The following PLBD1 variants were observed in gnomAD, a reference collection of about 807,000 sequenced individuals.
PLBD1 encodes lysosomal leucine aminopeptidase.
A neutral mutation model predicts 63.0 loss-of-function variants in PLBD1; 60 were observed. The ratio of observed to expected loss-of-function variants is 0.95; its 90% CI spans 0.77 to 1.18. The LOEUF (loss-of-function observed/expected upper bound fraction) is 1.18, where lower values mean the gene tolerates loss of function less well. Among genes scored for constraint, PLBD1 ranks in the 50% most tolerant of loss-of-function variants. PLBD1 has a pLI of 0.00. For synonymous variants in PLBD1, 262 were observed against 248.0 expected, an observed-to-expected ratio of 1.06 and a Z score of -0.53; for missense variants, 598 against 677.9, an observed-to-expected ratio of 0.88 and a Z score of 1.31.
chr12:14,539,167 C>T (rs932240675), intron 4 of PLBD1, among the ~76,000 whole-genome samples: 1 of 152,114 alleles, frequency 6.6e-6, no homozygotes, highest in African/African-American at 2.4e-5. Context: ...TACATCCATA[C>T]ATTGGAACAC....
intron 6 of PLBD1, among the ~76,000 whole-genome samples, chr12:14,535,138 T>C (rs1945502428): frequency 6.6e-6 from 1 of 152,220 alleles, no homozygotes. Flanking sequence ...ATTACTCTTA[T>C]TCATATTACA....
chr12:14,521,469 A>G (rs991849024), intron 6 of PLBD1, among the ~76,000 whole-genome samples: 1 of 152,084 alleles, frequency 6.6e-6, no homozygotes, highest in African/African-American at 2.4e-5. Flanking sequence ...AGCCATGCAT[A>G]TGATTTGACA....
intron 6 of PLBD1, among the ~76,000 whole-genome samples, chr12:14,520,781 G>T (rs10846014): frequency 0.58 from 87,764 of 151,982 alleles, 25,992 homozygotes; most frequent in Admixed American, 0.71. Flanking sequence ...ACGTGAGCAG[G>T]AGAACTCCCA....
intron 6 of PLBD1, among the ~76,000 whole-genome samples, chr12:14,524,808 T>C (rs10846017): frequency 0.31 from 47,066 of 152,094 alleles, 8,285 homozygotes; most frequent in East Asian, 0.57. Flanking sequence ...CAGGAAAATA[T>C]GGTTTTAAGA....
chr12:14,526,307 C>T (rs1328924261), intron 6 of PLBD1, among the ~76,000 whole-genome samples: 4 of 152,132 alleles, frequency 2.6e-5, no homozygotes, highest in African/African-American at 9.7e-5. Flanking sequence ...ACAGACATTC[C>T]GTTTGTGCTA....
Position 14,567,613 on chromosome 12 carries a change from C to T in PLBD1, c.84G>A (p.Leu28=). ...LLLLLLLLPL[L]LVTAEPPKPA... ...GTTTCGGCGGCTCCGCGGTGACTAA[C>T]AACAGCGGCAGCAGCAGCAGCAGCA... The change falls in exon 1 of 11, where the codon TTG becomes TTA. Residue 28 remains leucine (L), a synonymous_variant. Transcript: ENST00000240617. 1 of 1,472,676 alleles carries T rather than the reference C, an allele frequency of 6.8e-7. No homozygotes were observed. Among genetic ancestry groups the T allele is most frequent in the Non-Finnish European group, 8.9e-7 (1 of 1,121,730 alleles). The allele number at this position is 1,472,676 out of a possible 1,614,324, so 91.2% of individuals were successfully genotyped here. A position where few individuals can be genotyped will look rare whatever the true frequency, so the allele number is the denominator to read the frequency against.
At position 14,506,269 on chromosome 12, in the gene PLBD1, C is replaced by T. The variant is rs776899191; in HGVS notation, c.1373-1G>A. 1 of 1,590,874 alleles carries T rather than the reference C, an allele frequency of 6.3e-7. No individual in the cohort carries two copies. Among genetic ancestry groups the T allele is most frequent in the Non-Finnish European group, 8.6e-7 (1 of 1,160,948 alleles). On this transcript the variant is annotated splice_acceptor_variant, in intron 9 of 10. Transcript: ENST00000240617. LOFTEE classifies it high-confidence loss of function. ...CTACTGTAAGGATCCTTCTTATAAT[C>T]TAGGAAACAGAAATGGGGAAGAGAG...
intron 1 of PLBD1, among the ~76,000 whole-genome samples, chr12:14,562,115 T>C (rs1304768963): frequency 6.6e-6 from 1 of 152,178 alleles, no homozygotes; most frequent in African/African-American, 2.4e-5. Flanking sequence ...GAAGTGCTCA[T>C]TCTGTTTTCA....
Position 14,554,682 on chromosome 12 carries a change from C to T in PLBD1, c.116-1270G>A, listed in dbSNP as rs141144173. Among the ~76,000 whole-genome samples, 118 of 152,046 alleles carry T rather than the reference C, an allele frequency of 7.8e-4. 2 individuals are homozygous for T. In the East Asian group the frequency reaches 0.02, roughly 25 times the overall value. ...CTCCAGGATACCAATGCGTCTTCTG[C>T]CTGGGTCACTAACAAAATCCTTGAG... On this transcript the variant is annotated intron_variant, in intron 1 of 10. Transcript: ENST00000240617.
intron 8 of PLBD1, among the ~76,000 whole-genome samples, chr12:14,508,992 C>G (rs1237777025): frequency 6.9e-6 from 1 of 144,486 alleles, no homozygotes; most frequent in Non-Finnish European, 1.5e-5. Context: ...ATGTGCCCAC[C>G]CCCGACCCCG....
intron 6 of PLBD1, among the ~76,000 whole-genome samples, chr12:14,531,754 C>T (rs1945464302): frequency 6.6e-6 from 1 of 152,152 alleles, no homozygotes; most frequent in Non-Finnish European, 1.5e-5. Context: ...CCTCAGCCTC[C>T]CAAATAGCTG....
chr12:14,514,914 G>A (rs2136907873), intron 6 of PLBD1, among the ~76,000 whole-genome samples: 1 of 152,136 alleles, frequency 6.6e-6, no homozygotes, highest in South Asian at 2.1e-4. Flanking sequence ...AGCAGCTTTG[G>A]AAGGCAGATT....
chr12:14,566,740 C>G (rs933479512), intron 1 of PLBD1, among the ~76,000 whole-genome samples: 1 of 150,836 alleles, frequency 6.6e-6, no homozygotes, highest in East Asian at 2.0e-4. Flanking sequence ...TCTGATCAAT[C>G]TCACTTTTCT....
intron 8 of PLBD1, among the ~76,000 whole-genome samples, chr12:14,507,405 C>T (rs1168040680): frequency 6.6e-6 from 1 of 152,214 alleles, no homozygotes; most frequent in Admixed American, 6.5e-5. Context: ...AGCCAAAAAA[C>T]AACCATATTC....
intron 3 of PLBD1, among the ~76,000 whole-genome samples, chr12:14,541,703 T>G (rs1371059666): frequency 2.0e-5 from 3 of 152,214 alleles, no homozygotes; most frequent in Non-Finnish European, 4.4e-5. Flanking sequence ...CAAATTAATC[T>G]CCTGTCATCC....
At chr12:14,541,655 T>G (rs1945572283) in intron 3 of PLBD1, among the ~76,000 whole-genome samples, 3 of 152,192 alleles carry the variant, frequency 2.0e-5, no homozygotes, top group Admixed American at 2.0e-4. Flanking sequence ...TTGCTTAGAG[T>G]GCAGTTTGGA....
At position 14,536,774 on chromosome 12, in the gene PLBD1, CTT is replaced by C. The variant is rs1379814802; in HGVS notation, c.559-66_559-65del. On this transcript the variant is annotated intron_variant, in intron 4 of 10. Coordinates refer to ENST00000240617, the MANE Select transcript of PLBD1 (RefSeq NM_024829.6). ...GACAGACATCATTTCCTGTTTTCCT[CTT>C]GTTAGGGACCCATTAAATTATTCCC... The C allele has an allele frequency of 3.4e-5, 54 of 1,581,042 alleles. No individual in the cohort carries two copies. In the African/African-American group the frequency reaches 6.3e-4, roughly 19 times the overall value.
chr12:14,519,343 G>A (rs563362533), intron 6 of PLBD1, among the ~76,000 whole-genome samples: 3 of 152,200 alleles, frequency 2.0e-5, no homozygotes, highest in East Asian at 3.9e-4. Context: ...GAAGTGAGCC[G>A]GGCGTGGTGG....
At chr12:14,507,200 C>T in intron 8 of PLBD1, 82 bp from the exon 9 acceptor site, 2 of 1,071,356 alleles carry the variant, frequency 1.9e-6, no homozygotes, top group African/African-American at 1.6e-5. Context: ...GAAATGTTAT[C>T]CATGTTCATT....
Sources: allele counts gnomAD v4.1 joint callset (sites outside exome capture counted in the v4.1 genomes callset), GRCh38; gene constraint gnomAD v4.1.1; transcripts MANE v1.5; gene names NCBI Gene and HGNC (gene_info 2026-07-23, HGNC 2026-07-21).